ARID1B: variants seen among roughly 807,000 people sequenced by gnomAD.
ARID1B encodes AT-rich interaction domain 1B.
A neutral mutation model predicts 212.3 loss-of-function variants in ARID1B; 30 were observed. The ratio of observed to expected loss-of-function variants is 0.14; its 90% confidence interval spans 0.11 to 0.19. The LOEUF (loss-of-function observed/expected upper bound fraction) is 0.19, where lower values mean the gene tolerates loss of function less well. ARID1B is among the 10% of genes least tolerant of loss of function. The probability of loss-of-function intolerance (pLI) is 1.00; values close to 1 mark genes in which losing one functional copy is unlikely to be tolerated. For synonymous variants in ARID1B, 1,402 were observed against 1,301.7 expected, an observed-to-expected ratio of 1.08 and a Z score of -1.66; for missense variants, 2,891 against 3,204.0, an observed-to-expected ratio of 0.90 and a Z score of 2.36.
chr6:156,880,476 G>A (rs1030267607), intron 2 of ARID1B, among the ~76,000 whole-genome samples: 2 of 152,092 alleles, frequency 1.3e-5, no homozygotes, highest in African/African-American at 2.4e-5. Flanking sequence ...AGTGGCTCAC[G>A]CCTGTAATCC....
At chr6:157,204,078 T>G in intron 19 of ARID1B, 82 bp downstream of exon 19, 2 of 1,545,848 alleles carry the variant, frequency 1.3e-6, no homozygotes, top group East Asian at 4.5e-5. Context: ...AACTAATGCC[T>G]GAGTTGATGA....
At chr6:156,792,051 C>T (rs1036602385) in intron 1 of ARID1B, among the ~76,000 whole-genome samples, 1 of 152,072 alleles carries the variant, frequency 6.6e-6, no homozygotes, top group East Asian at 1.9e-4. Flanking sequence ...TGACCTGTAT[C>T]TGGAATTTTG....
chr6:156,876,822 A>T (rs1048774696), intron 2 of ARID1B, among the ~76,000 whole-genome samples: 1 of 151,992 alleles, frequency 6.6e-6, no homozygotes, highest in Non-Finnish European at 1.5e-5. Flanking sequence ...AGGTCCACAG[A>T]CCCCTGAGTG....
chr6:156,844,804 G>A (rs1330117917), intron 2 of ARID1B, among the ~76,000 whole-genome samples: 2 of 152,230 alleles, frequency 1.3e-5, no homozygotes, highest in East Asian at 3.9e-4. Flanking sequence ...ACTGTCTGTA[G>A]TTGAGTCATG....
chr6:157,209,128 T>TAA lies in ARID1B; in HGVS notation c.*1250_*1251dup, dbSNP rs545023901. On this transcript the variant is annotated 3_prime_UTR_variant, in exon 20 of 20. Transcript: ENST00000636930. ...ATTTGTATTTCAAGATAATGTAGTT[T>TAA]AAAAAAAAAAAAAAGAAAAAAACTT... 1.6e-4 allele frequency: 34 copies of TAA among 207,410 alleles called. No individual in the cohort carries two copies. Among genetic ancestry groups the TAA allele is most frequent in the Middle Eastern group, 1.4e-3 (1 of 704 alleles). The allele number at this position is 207,410 out of a possible 1,614,324, so 12.8% of individuals were successfully genotyped here.
At chr6:157,099,379 A>G (rs1007249692) in intron 5 of ARID1B, among the ~76,000 whole-genome samples, 1 of 152,070 alleles carries the variant, frequency 6.6e-6, no homozygotes, top group African/African-American at 2.4e-5. Flanking sequence ...CTTTGCCCCA[A>G]GTTCTCTGTG....
intron 4 of ARID1B, among the ~76,000 whole-genome samples, chr6:156,945,576 G>A (rs931289427): frequency 6.6e-6 from 1 of 152,026 alleles, no homozygotes; most frequent in Admixed American, 6.6e-5. Context: ...GGGCATGGGT[G>A]GTTGAGCTGT....
chr6:156,852,322 C>T (rs553056210), intron 2 of ARID1B, among the ~76,000 whole-genome samples: 1 of 152,116 alleles, frequency 6.6e-6, no homozygotes, highest in East Asian at 1.9e-4. Context: ...TGGTGATGTG[C>T]ACCTGTAGTC....
chr6:157,051,713 A>G (rs1782617497), intron 4 of ARID1B, among the ~76,000 whole-genome samples: 1 of 152,228 alleles, frequency 6.6e-6, no homozygotes. Context: ...GAATGTAAAA[A>G]TATAATTAGA....
At chr6:156,840,047 C>T (rs886393034) in intron 2 of ARID1B, among the ~76,000 whole-genome samples, 1 of 152,184 alleles carries the variant, frequency 6.6e-6, no homozygotes, top group African/African-American at 2.4e-5. Flanking sequence ...CTCGACAGTT[C>T]CAAAGTTTTT....
At chr6:156,962,508 C>T (rs1794454110) in intron 4 of ARID1B, among the ~76,000 whole-genome samples, 1 of 152,142 alleles carries the variant, frequency 6.6e-6, no homozygotes. Context: ...CTGGCTGTGC[C>T]ACCCAGGCTG....
intron 2 of ARID1B, among the ~76,000 whole-genome samples, chr6:156,892,418 A>G (rs1346646530): frequency 6.6e-6 from 1 of 152,204 alleles, no homozygotes; most frequent in Non-Finnish European, 1.5e-5. Context: ...ATTTACATCT[A>G]GGTCTAAAGG....
At chr6:157,073,024 T>G (rs1383852624) in intron 4 of ARID1B, among the ~76,000 whole-genome samples, 1 of 152,210 alleles carries the variant, frequency 6.6e-6, no homozygotes, top group Non-Finnish European at 1.5e-5. Flanking sequence ...TATAACTCTT[T>G]GCCTAATACA....
intron 2 of ARID1B, among the ~76,000 whole-genome samples, chr6:156,858,196 A>G (rs145891081): frequency 8.3e-4 from 126 of 151,978 alleles, no homozygotes; most frequent in Middle Eastern, 6.9e-3. Flanking sequence ...ATGGAGCTGG[A>G]TAGAATGATG....
intron 15 of ARID1B, among the ~76,000 whole-genome samples, chr6:157,193,271 A>G (rs920805913): frequency 6.6e-6 from 1 of 152,232 alleles, no homozygotes; most frequent in African/African-American, 2.4e-5. Flanking sequence ...ACAATGAAGC[A>G]GTGATTGTTG....
chr6:157,149,234 C>G (rs1387961187), intron 8 of ARID1B: 1 of 408,470 alleles, frequency 2.4e-6, no homozygotes, highest in Non-Finnish European at 4.5e-6. Context: ...AGCAGCAAAC[C>G]AGATCTGGTT....
chr6:156,829,148 C>A, intron 1 of ARID1B, 79 bp from the exon 2 acceptor site: 1 of 1,125,998 alleles, frequency 8.9e-7, no homozygotes, highest in Non-Finnish European at 1.3e-6. Context: ...GTTATTAATG[C>A]ATATGTTGAC....
intron 2 of ARID1B, among the ~76,000 whole-genome samples, chr6:156,869,698 T>C (rs1381326350): frequency 1.3e-5 from 2 of 152,156 alleles, no homozygotes; most frequent in Non-Finnish European, 2.9e-5. Context: ...TCAGAAAATA[T>C]GTGAAGAGAT....
chr6:156,795,012 C>A (rs1480174243), intron 1 of ARID1B, among the ~76,000 whole-genome samples: 1 of 152,174 alleles, frequency 6.6e-6, no homozygotes, highest in Non-Finnish European at 1.5e-5. Context: ...CATCACCAGA[C>A]ATTAATTTAC....
Sources: allele counts gnomAD v4.1 joint callset (sites outside exome capture counted in the v4.1 genomes callset), GRCh38; gene constraint gnomAD v4.1.1; transcripts MANE v1.5; gene names NCBI Gene and HGNC (gene_info 2026-07-23, HGNC 2026-07-21).